PCDHGA6: variants seen among roughly 807,000 people sequenced by gnomAD.
PCDHGA6 encodes the protein protocadherin gamma subfamily A, 6, also known as protocadherin gamma-A6.
Under a neutral mutation model 60.6 loss-of-function variants are expected in PCDHGA6, and 41 were observed. The observed-to-expected ratio is 0.68, with a 90% CI of 0.53 to 0.88. The LOEUF (loss-of-function observed/expected upper bound fraction) is 0.88, where lower values mean the gene tolerates loss of function less well. Ranked by LOEUF, PCDHGA6 falls within the 40% of genes least tolerant of loss-of-function variation. The pLI is 0.00. For missense variants in PCDHGA6, 1,312 were observed against 1,203.0 expected (o/e 1.09, Z -1.34); for synonymous variants, 594 against 524.4 (o/e 1.13, Z -1.81).
At position 141,498,794 on chromosome 5, in the gene PCDHGA6, G is replaced by A. The variant is rs184257963; in HGVS notation, c.2483+3929G>A. ...TAAAAATACAAAATATTAGCCAGGT[G>A]TGGTGGTGCACACCTGTAGTCCCAG... On this transcript the variant is annotated intron_variant, in intron 2 of 3. Transcript: ENST00000517434. Among the ~76,000 whole-genome samples the A allele has an allele frequency of 7.9e-5, 12 of 152,224 alleles. No individual in the cohort carries two copies. The East Asian group carries it at 2.3e-3, about 30-fold the overall frequency.
chr5:141,458,409 G>C (rs188300064), intron 1 of PCDHGA6, among the ~76,000 whole-genome samples: 1 of 152,244 alleles, frequency 6.6e-6, no homozygotes, highest in African/African-American at 2.4e-5. Context: ...GAGACGGAGC[G>C]GGGGTTCCAA....
rs746408347 is a variant in PCDHGA6 at position 141,486,293 on chromosome 5, G to A, written c.2425-8514G>A. ...TGGCACTGTGGTGGCACTTATCAGT[G>A]TGCAGGATCCAGACTCAGGGTCAAA... On this transcript the variant is annotated intron_variant, in intron 1 of 3. Transcript: ENST00000517434. This position sits in a 1 kb window ranked among gnomAD's most constrained non-coding sequence, Gnocchi z 5.0. The A allele has an allele frequency of 3.1e-6, 5 of 1,614,018 alleles. No homozygotes were observed. In the Admixed American group the frequency reaches 8.3e-5, roughly 27 times the overall value.
At chr5:141,385,263 T>C in intron 1 of PCDHGA6, 1 of 1,613,672 alleles carries the variant, frequency 6.2e-7, no homozygotes, top group Non-Finnish European at 8.5e-7. Flanking sequence ...GTGAGAAAAA[T>C]GATTCTTTGC....
chr5:141,414,568 A>G (rs1349020199), intron 1 of PCDHGA6: 2 of 1,613,914 alleles, frequency 1.2e-6, no homozygotes, highest in South Asian at 1.1e-5. Context: ...CTTTACCTAT[A>G]TCCCAGAGAA....
Position 141,393,633 on chromosome 5 carries a change from A to G in PCDHGA6, c.2424+17126A>G, listed in dbSNP as rs376168054. The stretch of plus-strand genomic sequence containing the variant: ...AGCCAGCGACCCGGATGAGGGAATC[A>G]ACGGAAAAGTGGCATACAAATTCCG... On this transcript the variant is annotated intron_variant, in intron 1 of 3. Transcript: ENST00000517434. 8 of 1,613,854 alleles carry G rather than the reference A, an allele frequency of 5.0e-6. No homozygotes were observed. The highest frequency in any genetic ancestry group is 1.3e-5 in the African/African-American group (1 of 74,956).
chr5:141,477,854 C>T lies in PCDHGA6; in HGVS notation c.2425-16953C>T. Reference sequence around the variant, plus strand: ...GCCAGGTGGGAGCTCGGTGGAGATGCTGCCTCGAGGTACCTCAGCTGGCCA... The same window carrying T: ...GCCAGGTGGGAGCTCGGTGGAGATGTTGCCTCGAGGTACCTCAGCTGGCCA... On this transcript the variant is annotated intron_variant, in intron 1 of 3. Transcript: ENST00000517434. This position sits in a 1 kb window ranked among gnomAD's most constrained non-coding sequence, Gnocchi z 4.9. 1.9e-6 allele frequency: 3 copies of T among 1,614,098 alleles called. No individual in the cohort carries two copies. The South Asian group carries it at 3.3e-5, about 18-fold the overall frequency.
intron 1 of PCDHGA6, among the ~76,000 whole-genome samples, chr5:141,430,360 T>C (rs570966246): frequency 1.8e-4 from 27 of 151,522 alleles, no homozygotes; most frequent in Middle Eastern, 3.4e-3. Flanking sequence ...TAAAAGCTCA[T>C]TGGGGAAAAA....
At position 141,414,686 on chromosome 5, in the gene PCDHGA6, C is replaced by A. The variant is rs201724090; in HGVS notation, c.2424+38179C>A. On this transcript the variant is annotated intron_variant, in intron 1 of 3. Coordinates refer to ENST00000517434, the MANE Select transcript of PCDHGA6 (RefSeq NM_018919.3). ...GCTGAAGACACCATCCAGGGGGTAC[C>A]TCTGTCCTCATACATATCCATCAAC... 57 of 1,613,924 alleles carry A rather than the reference C, an allele frequency of 3.5e-5. No homozygotes were observed. The highest frequency in any genetic ancestry group is 1.6e-4 in the Middle Eastern group (1 of 6,084).
intron 1 of PCDHGA6, among the ~76,000 whole-genome samples, chr5:141,457,384 G>A (rs2154565902): frequency 6.6e-6 from 1 of 152,270 alleles, no homozygotes; most frequent in African/African-American, 2.4e-5. Context: ...CCCAGAACTA[G>A]CATATTGATT....
chr5:141,475,721 G>A (rs867365261), intron 1 of PCDHGA6, among the ~76,000 whole-genome samples: 1 of 152,248 alleles, frequency 6.6e-6, no homozygotes. Context: ...ACAGCCCCAA[G>A]GCTGGCTTTC....
intron 1 of PCDHGA6, among the ~76,000 whole-genome samples, chr5:141,492,103 T>G (rs1458656062): frequency 6.6e-6 from 1 of 152,134 alleles, no homozygotes; most frequent in Non-Finnish European, 1.5e-5. Flanking sequence ...GTCTGTAGAT[T>G]TCCTCTTCGA....
In PCDHGA6 at chr5:141,432,866, G is replaced by C. The variant is rs139832920; in HGVS notation, c.2424+56359G>C. 8 of 1,614,152 alleles carry C rather than the reference G, an allele frequency of 5.0e-6. No individual in the cohort carries two copies. Among genetic ancestry groups the C allele is most frequent in the South Asian group, 2.2e-5 (2 of 91,074 alleles). On this transcript the variant is annotated intron_variant, in intron 1 of 3. Coordinates refer to ENST00000517434, the MANE Select transcript of PCDHGA6 (RefSeq NM_018919.3). The surrounding 1 kb of genome is among the most constrained non-coding windows in gnomAD (Gnocchi z 6.0). ...GGTAGCGGTGGCCGCGGTCTCCTGC[G>C]TCTTCCTGGCCTTCGTCATCTTGCT...
Position 141,511,285 on chromosome 5 carries a change from G to C in PCDHGA6, c.*112G>C. On this transcript the variant is annotated 3_prime_UTR_variant, in exon 4 of 4. Coordinates refer to ENST00000517434, the MANE Select transcript of PCDHGA6 (RefSeq NM_018919.3). Reference sequence around the variant, plus strand: ...GGGCTAACCCCCAGAATACTGGTAGGGGCCAAGGCCATGCTCCCCTTGGGA... The same window carrying C: ...GGGCTAACCCCCAGAATACTGGTAGCGGCCAAGGCCATGCTCCCCTTGGGA... 1 of 1,521,904 alleles carries C rather than the reference G, an allele frequency of 6.6e-7. No homozygotes were observed. The highest frequency in any genetic ancestry group is 8.8e-7 in the Non-Finnish European group (1 of 1,131,664). 94.3% of individuals were successfully genotyped at this position (1,521,904 alleles called of 1,614,324 possible).
chr5:141,392,830 G>A lies in PCDHGA6; in HGVS notation c.2424+16323G>A, dbSNP rs747812941. ...AAAACAACAATGGCCGCTCCACAGA[G>A]TCGCCCCAGACGCGGCGAGCTGATC... On this transcript the variant is annotated intron_variant, in intron 1 of 3. Transcript: ENST00000517434. The A allele has an allele frequency of 1.6e-5, 26 of 1,604,568 alleles. No individual in the cohort carries two copies. Among genetic ancestry groups the A allele is most frequent in the Non-Finnish European group, 2.0e-5 (24 of 1,175,404 alleles).
In PCDHGA6 at chr5:141,477,880, C is replaced by T. The variant is rs763789849; in HGVS notation, c.2425-16927C>T. 10 of 1,614,058 alleles carry T rather than the reference C, an allele frequency of 6.2e-6. No homozygotes were observed. The African/African-American group carries it at 1.2e-4, about 19-fold the overall frequency. ...TGCCTCGAGGTACCTCAGCTGGCCA[C>T]CTAGTGTCACGGGTGGTAGGCTGGG... is the stretch of plus-strand genomic sequence containing the variant. On this transcript the variant is annotated intron_variant, in intron 1 of 3. Transcript: ENST00000517434. The surrounding 1 kb of genome is among the most constrained non-coding windows in gnomAD (Gnocchi z 4.9).
chr5:141,421,530 C>T (rs377652360), intron 1 of PCDHGA6: 274 of 1,613,922 alleles, frequency 1.7e-4, no homozygotes, highest in Non-Finnish European at 2.3e-4. Flanking sequence ...AGACGGTGTC[C>T]TCCTGTTTTT....
rs746242389 is a variant in PCDHGA6 at position 141,491,254 on chromosome 5, G to C, written c.2425-3553G>C. 3 of 1,614,080 alleles carry C rather than the reference G, an allele frequency of 1.9e-6. No individual in the cohort carries two copies. In the African/African-American group the frequency reaches 4.0e-5, roughly 22 times the overall value. On this transcript the variant is annotated intron_variant, in intron 1 of 3. Transcript: ENST00000517434. This position sits in a 1 kb window ranked among gnomAD's most constrained non-coding sequence, Gnocchi z 6.9. ...GCTGGTTCTGGAGGATGAGGACCCT[G>C]AGGAAATGCCCAAATCCAGTGACTT...
chr5:141,383,698 A>G lies in PCDHGA6; in HGVS notation c.2424+7191A>G, dbSNP rs376903516. 5.0e-6 allele frequency: 8 copies of G among 1,614,026 alleles called. No homozygotes were observed. Among genetic ancestry groups the G allele is most frequent in the South Asian group, 1.1e-5 (1 of 91,088 alleles). On this transcript the variant is annotated intron_variant, in intron 1 of 3. Transcript: ENST00000517434. ...TACAAGACTGCTCACGGTACATGCTATCGACCTGGACGAGGGAGTCAATGG... is the reference window on the plus strand; with the variant it reads ...TACAAGACTGCTCACGGTACATGCTGTCGACCTGGACGAGGGAGTCAATGG...
Position 141,489,493 on chromosome 5 carries a change from G to A in PCDHGA6, c.2425-5314G>A, listed in dbSNP as rs1485293604. ...CCTGAGCTTGATGAGTGGTGCCCTG[G>A]CAGTGAATCAAAAGATTGACCGAGA... On this transcript the variant is annotated intron_variant, in intron 1 of 3. Coordinates refer to ENST00000517434, the MANE Select transcript of PCDHGA6 (RefSeq NM_018919.3). The surrounding 1 kb of genome is among the most constrained non-coding windows in gnomAD (Gnocchi z 4.5). The A allele has an allele frequency of 1.2e-6, 2 of 1,613,960 alleles. No homozygotes were observed. Among genetic ancestry groups the A allele is most frequent in the Non-Finnish European group, 1.7e-6 (2 of 1,180,038 alleles).
Sources: gnomAD v4.1 joint callset for allele counts (sites outside exome capture counted in the v4.1 genomes callset) on GRCh38, gnomAD v4.1.1 for gene constraint, Gnocchi (gnomAD v3.1) non-coding constraint, MANE v1.5 for transcripts, NCBI Gene and HGNC (gene_info 2026-07-23, HGNC 2026-07-21) for gene names.